SIPA1L1: variants seen among roughly 807,000 people sequenced by gnomAD.
The protein encoded by SIPA1L1 is signal-induced proliferation-associated 1-like protein 1.
SIPA1L1 carries 26 observed loss-of-function variants against 162.7 expected under a neutral mutation model. The ratio of observed to expected loss-of-function variants is 0.16; its 90% CI spans 0.12 to 0.22. SIPA1L1 has a LOEUF of 0.22. Ranked by LOEUF, SIPA1L1 falls within the 10% of genes least tolerant of loss-of-function variation. SIPA1L1 has a pLI of 1.00. For missense variants in SIPA1L1, 1,874 were observed against 2,241.0 expected (o/e 0.84, Z 3.31); for synonymous variants, 829 against 837.4 (o/e 0.99, Z 0.17).
At chr14:71,543,895 C>T (rs145058209) in intron 4 of SIPA1L1, among the ~76,000 whole-genome samples, 1,641 of 110,988 alleles carry the variant, frequency 0.015, 22 homozygotes, top group African/African-American at 0.041. Context: ...ATATATCATA[C>T]GTATATGTGT....
At chr14:71,454,660 A>T (rs1478270393) in intron 2 of SIPA1L1, among the ~76,000 whole-genome samples, 2 of 152,198 alleles carry the variant, frequency 1.3e-5, no homozygotes, top group Admixed American at 6.5e-5. Flanking sequence ...TTGGTGCCTG[A>T]TTGGGTGCAA....
intron 2 of SIPA1L1, among the ~76,000 whole-genome samples, chr14:71,356,651 G>A (rs1174688244): frequency 1.3e-5 from 2 of 150,338 alleles, no homozygotes; most frequent in African/African-American, 4.9e-5. Flanking sequence ...CCCAGTTCAA[G>A]GCTGCACTGA....
At chr14:71,704,453 A>T (rs2082301276) in intron 15 of SIPA1L1, among the ~76,000 whole-genome samples, 1 of 152,168 alleles carries the variant, frequency 6.6e-6, no homozygotes, top group Non-Finnish European at 1.5e-5. Flanking sequence ...GACTTGGCTC[A>T]CTTATCTTTA....
chr14:71,505,865 G>C (rs542787689), intron 2 of SIPA1L1, among the ~76,000 whole-genome samples: 9 of 151,858 alleles, frequency 5.9e-5, no homozygotes, highest in Admixed American at 3.9e-4. Flanking sequence ...TTACCTTCAG[G>C]CTATGTGTAT....
In SIPA1L1 at chr14:71,363,648, A is replaced by G. The variant is rs867260177; in HGVS notation, c.-465+42467A>G. 5.9e-5 allele frequency among the ~76,000 whole-genome samples: 9 copies of G among 152,196 alleles called. 1 individual carries two copies. Among genetic ancestry groups the G allele is most frequent in the African/African-American group, 2.2e-4 (9 of 41,436 alleles). ...TTTAAATGATTGTCATCTTTTGAAG[A>G]AGGACATTGGCAACTGAGTAAATAA... On this transcript the variant is annotated intron_variant, in intron 2 of 23. Transcript: ENST00000381232.
chr14:71,678,091 G>C (rs1444330927), intron 12 of SIPA1L1, among the ~76,000 whole-genome samples: 1 of 152,126 alleles, frequency 6.6e-6, no homozygotes, highest in African/African-American at 2.4e-5. Context: ...TGCAAACAGG[G>C]ACAATTTGAC....
At position 71,672,223 on chromosome 14, in the gene SIPA1L1, G is replaced by C. The variant is rs149436833; in HGVS notation, c.2830-125G>C. The C allele has an allele frequency of 6.2e-5, 55 of 885,610 alleles. No homozygotes were observed. The African/African-American group carries it at 8.0e-4, about 13-fold the overall frequency. 54.9% of individuals were successfully genotyped at this position (885,610 alleles called of 1,614,324 possible). ...GAGATTAGTGAAGAGGAAATAACCA[G>C]ACTGCTCTTCAGCTGGCAATAAGGT... On this transcript the variant is annotated intron_variant, in intron 11 of 23. Coordinates refer to ENST00000381232, the MANE Select transcript of SIPA1L1 (RefSeq NM_001386936.1).
intron 5 of SIPA1L1, among the ~76,000 whole-genome samples, chr14:71,614,717 C>T (rs1250814215): frequency 1.3e-5 from 2 of 152,160 alleles, no homozygotes; most frequent in Non-Finnish European, 2.9e-5. Context: ...ATTATCCCAT[C>T]ACCATTCCCC....
In SIPA1L1 at chr14:71,589,384, CT is replaced by C; in HGVS notation, c.1498+17del. 1.3e-6 allele frequency: 2 copies of C among 1,525,890 alleles called. No individual in the cohort carries two copies. The highest frequency in any genetic ancestry group is 1.8e-6 in the Non-Finnish European group (2 of 1,112,902). The allele number at this position is 1,525,890 out of a possible 1,614,324, so 94.5% of individuals were successfully genotyped here. A position where few individuals can be genotyped will look rare whatever the true frequency, so the allele number is the denominator to read the frequency against. ...TCTACCAGAAGGGTAAGTAGAGATC[CT>C]TTATTTCTTACATTTTCTTTTGCAG... On this transcript the variant is annotated intron_variant, in intron 5 of 23. Coordinates refer to ENST00000381232, the MANE Select transcript of SIPA1L1 (RefSeq NM_001386936.1).
chr14:71,582,181 A>T (rs920790228), intron 4 of SIPA1L1, among the ~76,000 whole-genome samples: 1 of 152,068 alleles, frequency 6.6e-6, no homozygotes, highest in Admixed American at 6.5e-5. Flanking sequence ...AAAAAATTTT[A>T]AAAATTAACC....
At chr14:71,459,518 C>A (rs982966074) in intron 2 of SIPA1L1, among the ~76,000 whole-genome samples, 5 of 151,622 alleles carry the variant, frequency 3.3e-5, no homozygotes, top group African/African-American at 1.2e-4. Context: ...TCACAAGGTC[C>A]CACAATAGTC....
chr14:71,723,056 C>T (rs930079382), intron 17 of SIPA1L1, among the ~76,000 whole-genome samples: 1 of 152,230 alleles, frequency 6.6e-6, no homozygotes, highest in African/African-American at 2.4e-5. Context: ...AATCTTTAAC[C>T]AATGTTGCCC....
At chr14:71,736,302 C>T (rs1419591618) in intron 22 of SIPA1L1, among the ~76,000 whole-genome samples, 1 of 152,222 alleles carries the variant, frequency 6.6e-6, no homozygotes, top group East Asian at 1.9e-4. Context: ...GAAGCCAATG[C>T]ATGAGAATCA....
chr14:71,370,304 A>G (rs1035674070), intron 2 of SIPA1L1, among the ~76,000 whole-genome samples: 1 of 151,896 alleles, frequency 6.6e-6, no homozygotes, highest in Non-Finnish European at 1.5e-5. Context: ...TGGGTTTGTC[A>G]TAGATAGCTC....
At chr14:71,688,236 G>A (rs1440127509) in intron 13 of SIPA1L1, among the ~76,000 whole-genome samples, 1 of 152,000 alleles carries the variant, frequency 6.6e-6, no homozygotes, top group Admixed American at 6.6e-5. Flanking sequence ...AATCTAAAAC[G>A]TTTTGAGCAC....
At chr14:71,648,194 G>A (rs923937483) in intron 7 of SIPA1L1, among the ~76,000 whole-genome samples, 3 of 152,180 alleles carry the variant, frequency 2.0e-5, no homozygotes, top group African/African-American at 7.2e-5. Flanking sequence ...GGAGGCTGAG[G>A]AGGGAGAATC....
intron 5 of SIPA1L1, among the ~76,000 whole-genome samples, chr14:71,614,075 C>G (rs1334357081): frequency 6.6e-6 from 1 of 152,106 alleles, no homozygotes; most frequent in Non-Finnish European, 1.5e-5. Context: ...TGGCACGTGC[C>G]TGTAGTCCCA....
At position 71,623,698 on chromosome 14, in the gene SIPA1L1, C is replaced by A. The variant is rs374641638; in HGVS notation, c.1630-350C>A. ...AGACATTGCTCTGGGGTTCTGCCTT[C>A]TTAATTTCCTAATTAGTATGCATAG... On this transcript the variant is annotated intron_variant, in intron 6 of 23. Coordinates refer to ENST00000381232, the MANE Select transcript of SIPA1L1 (RefSeq NM_001386936.1). Among the ~76,000 whole-genome samples the A allele has an allele frequency of 2.2e-4, 34 of 152,272 alleles. 1 individual carries two copies. In the South Asian group the frequency reaches 7.1e-3, roughly 32 times the overall value.
chr14:71,361,400 C>G (rs1235471793), intron 2 of SIPA1L1, among the ~76,000 whole-genome samples: 1 of 152,084 alleles, frequency 6.6e-6, no homozygotes, highest in African/African-American at 2.4e-5. Flanking sequence ...TTAGTGCTTC[C>G]ATACATATAC....
Sources: allele counts gnomAD v4.1 joint callset (sites outside exome capture counted in the v4.1 genomes callset), GRCh38; gene constraint gnomAD v4.1.1; transcripts MANE v1.5; gene names NCBI Gene and HGNC (gene_info 2026-07-23, HGNC 2026-07-21).